The following PSD3 variants were observed in gnomAD, a reference collection of about 807,000 sequenced individuals.
The protein encoded by PSD3 is pleckstrin and Sec7 domain containing 3.
In PSD3, 49 loss-of-function variants were observed where a neutral mutation model predicts 105.5. The ratio of observed to expected loss-of-function variants is 0.46; its 90% confidence interval spans 0.37 to 0.59. PSD3 has a LOEUF of 0.59. PSD3 is among the 20% of genes least tolerant of loss of function. PSD3 has a pLI of 0.00. For missense variants in PSD3, 1,561 were observed against 1,263.8 expected (o/e 1.24, Z -3.57); for synonymous variants, 557 against 457.8 (o/e 1.22, Z -2.77).
At chr8:18,554,557 G>A (rs919045888) in intron 15 of PSD3, among the ~76,000 whole-genome samples, 2 of 152,106 alleles carry the variant, frequency 1.3e-5, no homozygotes, top group East Asian at 1.9e-4. Flanking sequence ...TAGTGGAAGT[G>A]TCATTTTTTT....
chr8:18,777,734 G>A (rs149015749), intron 8 of PSD3, among the ~76,000 whole-genome samples: 47 of 151,984 alleles, frequency 3.1e-4, no homozygotes, highest in Non-Finnish European at 5.1e-4. Flanking sequence ...TTCATCCTCC[G>A]GTGCTATGAA....
chr8:18,752,824 G>A (rs1364805977), intron 9 of PSD3, among the ~76,000 whole-genome samples: 3 of 149,144 alleles, frequency 2.0e-5, no homozygotes, highest in African/African-American at 7.5e-5. Context: ...TTTTGGGAGT[G>A]AAAGAAAGAG....
intron 1 of PSD3, among the ~76,000 whole-genome samples, chr8:18,957,751 A>G (rs905412405): frequency 1.3e-5 from 2 of 152,190 alleles, no homozygotes; most frequent in Non-Finnish European, 2.9e-5. Context: ...GAGGCTCTCT[A>G]GCAGGAAGCC....
At chr8:18,566,587 T>C (rs2130267708) in intron 14 of PSD3, among the ~76,000 whole-genome samples, 1 of 151,432 alleles carries the variant, frequency 6.6e-6, no homozygotes, top group South Asian at 2.1e-4. Flanking sequence ...TTTTTCTAGA[T>C]GGAAAGCTGA....
At chr8:19,002,507 T>C (rs2129474510) in intron 1 of PSD3, among the ~76,000 whole-genome samples, 1 of 152,194 alleles carries the variant, frequency 6.6e-6, no homozygotes, top group East Asian at 1.9e-4. Context: ...GTGATGGTCA[T>C]TTGGCATGAC....
intron 8 of PSD3, chr8:18,774,602 C>A: frequency 2.7e-6 from 1 of 373,340 alleles, no homozygotes; most frequent in Non-Finnish European, 5.2e-6. Flanking sequence ...GCTGCTGCTG[C>A]TTCTTGGTCT....
At chr8:18,938,945 T>C (rs1032720115) in intron 1 of PSD3, among the ~76,000 whole-genome samples, 5 of 152,112 alleles carry the variant, frequency 3.3e-5, no homozygotes, top group African/African-American at 9.7e-5. Flanking sequence ...GTATTGAGAA[T>C]GGGGAGACTA....
chr8:18,664,575 C>T (rs187355697), intron 9 of PSD3, among the ~76,000 whole-genome samples: 139 of 152,278 alleles, frequency 9.1e-4, no homozygotes, highest in African/African-American at 2.8e-3. Flanking sequence ...AAGCTGCAAC[C>T]GGTGATGGAG....
At chr8:19,016,522 A>G (rs1303485081), upstream of PSD3, among the ~76,000 whole-genome samples, 1 of 152,218 alleles carries the variant, frequency 6.6e-6, no homozygotes, top group Admixed American at 6.5e-5. Context: ...CTCAAATACA[A>G]ATTTCTAAGA....
intron 10 of PSD3, among the ~76,000 whole-genome samples, chr8:18,643,671 T>C (rs886963642): frequency 2.0e-5 from 3 of 152,218 alleles, no homozygotes; most frequent in Admixed American, 6.5e-5. Flanking sequence ...AGCTGGAGAA[T>C]AGTTTCCTTT....
chr8:18,634,660 T>C (rs1308853999), intron 10 of PSD3, among the ~76,000 whole-genome samples: 2 of 152,160 alleles, frequency 1.3e-5, no homozygotes, highest in African/African-American at 2.4e-5. Flanking sequence ...ACAGTATTGG[T>C]CAGTTATCTT....
At chr8:18,686,036 C>A (rs1171873565) in intron 9 of PSD3, among the ~76,000 whole-genome samples, 1 of 152,004 alleles carries the variant, frequency 6.6e-6, no homozygotes, top group Non-Finnish European at 1.5e-5. Flanking sequence ...AACAAACAAA[C>A]AAACAACAAC....
At chr8:18,697,507 A>C (rs1278567417) in intron 9 of PSD3, among the ~76,000 whole-genome samples, 1 of 152,260 alleles carries the variant, frequency 6.6e-6, no homozygotes, top group Non-Finnish European at 1.5e-5. Context: ...TCTGAGGTCC[A>C]TGATTCACTA....
At chr8:18,961,033 A>T (rs1044207559) in intron 1 of PSD3, among the ~76,000 whole-genome samples, 6 of 152,148 alleles carry the variant, frequency 3.9e-5, no homozygotes, top group African/African-American at 1.4e-4. Flanking sequence ...TGCTGCAGTG[A>T]GCCGTGAGTA....
At chr8:18,735,198 G>A (rs1320620785) in intron 9 of PSD3, among the ~76,000 whole-genome samples, 1 of 152,100 alleles carries the variant, frequency 6.6e-6, no homozygotes, top group African/African-American at 2.4e-5. Context: ...TTCAACTCCA[G>A]GAAAACACTT....
chr8:18,567,033 A>G (rs1241594236), intron 14 of PSD3, among the ~76,000 whole-genome samples: 1 of 152,212 alleles, frequency 6.6e-6, no homozygotes, highest in East Asian at 1.9e-4. Flanking sequence ...TTTAAAGTAT[A>G]AAGTAAACAG....
At chr8:18,733,769 T>G (rs944678719) in intron 9 of PSD3, 1 of 152,618 alleles carries the variant, frequency 6.6e-6, no homozygotes, top group Non-Finnish European at 1.5e-5. Flanking sequence ...CAGATGTTAA[T>G]CCTCAACTAA....
At chr8:18,709,710 G>A (rs763729381) in intron 9 of PSD3, among the ~76,000 whole-genome samples, 1 of 152,202 alleles carries the variant, frequency 6.6e-6, no homozygotes, top group African/African-American at 2.4e-5. Context: ...GTACCCAGGT[G>A]AATAGGGTGT....
chr8:18,614,409 G>T (rs961019794), intron 11 of PSD3, among the ~76,000 whole-genome samples: 2 of 133,618 alleles, frequency 1.5e-5, no homozygotes, highest in African/African-American at 5.5e-5. Context: ...ATATTACCGG[G>T]AATTTTTTTT....
Sources: gnomAD v4.1 joint callset for allele counts (sites outside exome capture counted in the v4.1 genomes callset) on GRCh38, gnomAD v4.1.1 for gene constraint, MANE v1.5 for transcripts, NCBI Gene and HGNC (gene_info 2026-07-23, HGNC 2026-07-21) for gene names.